SKAP2: variants seen among roughly 807,000 people sequenced by gnomAD.
SKAP2 encodes the protein src kinase-associated phosphoprotein 2.
A neutral mutation model predicts 54.9 loss-of-function variants in SKAP2; 28 were observed. The ratio of observed to expected loss-of-function variants is 0.51; its 90% CI spans 0.38 to 0.70. The LOEUF (loss-of-function observed/expected upper bound fraction) is 0.70, where lower values mean the gene tolerates loss of function less well. Ranked by LOEUF, SKAP2 falls within the 30% of genes least tolerant of loss-of-function variation. SKAP2 has a pLI of 0.00. For missense variants in SKAP2, 356 were observed against 424.1 expected (o/e 0.84, Z 1.41); for synonymous variants, 137 against 134.3 (o/e 1.02, Z -0.14).
intron 9 of SKAP2, among the ~76,000 whole-genome samples, chr7:26,724,864 G>A (rs1163079520): frequency 6.6e-6 from 1 of 152,028 alleles, no homozygotes. Context: ...CTGAGCATTT[G>A]GAATAAGAAA....
intron 4 of SKAP2, among the ~76,000 whole-genome samples, chr7:26,743,088 A>G (rs1376321728): frequency 6.6e-6 from 1 of 152,186 alleles, no homozygotes; most frequent in Non-Finnish European, 1.5e-5. Flanking sequence ...GAGCTGCCAC[A>G]TGTTTGCCAT....
chr7:26,724,158 T>C (rs1787644349), intron 9 of SKAP2, among the ~76,000 whole-genome samples: 1 of 152,178 alleles, frequency 6.6e-6, no homozygotes, highest in Non-Finnish European at 1.5e-5. Flanking sequence ...ATAGTTTTTA[T>C]ACCTTAAATT....
Position 26,725,488 on chromosome 7 carries a change from T to C in SKAP2, c.736A>G (p.Ile246Val). ...LYDDVDHPLP[I>V]SNPLTSSQPI... ...TGACTGCTTGTTAGTGGATTGCTTATTGGTAGAGGATGATCAACATCATCA... is the reference window on the plus strand; with the variant it reads ...TGACTGCTTGTTAGTGGATTGCTTACTGGTAGAGGATGATCAACATCATCA... Residue 246 changes from isoleucine to valine, a missense_variant, in exon 9 of 13, where the codon ATA becomes GTA. Ile to Val is a conservative substitution (Grantham distance 29). Coordinates refer to ENST00000345317, the MANE Select transcript of SKAP2 (RefSeq NM_003930.5). 6.2e-7 allele frequency: 1 copy of C among 1,612,386 alleles called. No individual in the cohort carries two copies. The highest frequency in any genetic ancestry group is 1.3e-5 in the African/African-American group (1 of 74,984).
chr7:26,854,286 A>T lies in SKAP2; in HGVS notation c.174-124T>A, dbSNP rs1785112942. On this transcript the variant is annotated intron_variant, in intron 2 of 12. Transcript: ENST00000345317. ...ACACCTAGATATACATTAGAAAAAA[A>T]CTAATTCCTGTCCTGAAATGACAAT... 7 of 548,438 alleles carry T rather than the reference A, an allele frequency of 1.3e-5. No homozygotes were observed. In the South Asian group the frequency reaches 2.2e-4, roughly 17 times the overall value. The allele number at this position is 548,438 out of a possible 1,614,324, so 34.0% of individuals were successfully genotyped here.
intron 4 of SKAP2, among the ~76,000 whole-genome samples, chr7:26,833,211 G>A (rs902022215): frequency 3.3e-5 from 5 of 151,146 alleles, no homozygotes; most frequent in Non-Finnish European, 7.4e-5. Flanking sequence ...TGGCTAACAC[G>A]GTGAAACCCA....
intron 4 of SKAP2, among the ~76,000 whole-genome samples, chr7:26,827,908 T>C (rs1784523109): frequency 6.6e-6 from 1 of 152,200 alleles, no homozygotes; most frequent in African/African-American, 2.4e-5. Context: ...AAAATTCACA[T>C]GGCCTCTTTG....
At chr7:26,843,701 A>G (rs1262925899) in intron 4 of SKAP2, among the ~76,000 whole-genome samples, 2 of 152,026 alleles carry the variant, frequency 1.3e-5, no homozygotes, top group East Asian at 3.8e-4. Flanking sequence ...TAAATAATAC[A>G]GTAAGCCTTC....
intron 4 of SKAP2, among the ~76,000 whole-genome samples, chr7:26,838,585 G>C (rs1205371054): frequency 6.6e-6 from 1 of 152,108 alleles, no homozygotes; most frequent in Non-Finnish European, 1.5e-5. Context: ...TTTTCAGTTT[G>C]TTTTCCCATT....
chr7:26,774,796 A>AG (rs1237500079), intron 4 of SKAP2, among the ~76,000 whole-genome samples: 1 of 152,198 alleles, frequency 6.6e-6, no homozygotes, highest in African/African-American at 2.4e-5. Context: ...CCAATAATCT[A>AG]GATAGACTTT....
chr7:26,815,680 G>A (rs540888005), intron 4 of SKAP2, among the ~76,000 whole-genome samples: 11 of 152,192 alleles, frequency 7.2e-5, no homozygotes, highest in African/African-American at 2.6e-4. Context: ...GGGAGGTTCA[G>A]TATGATGGAG....
the SKAP2 span, among the ~76,000 whole-genome samples, chr7:26,660,357 C>A: frequency 9.2e-5 from 14 of 151,892 alleles, no homozygotes; most frequent in Non-Finnish European, 2.1e-4. Context: ...TAGCATGAAA[C>A]GGGTCCAATA....
the SKAP2 span, among the ~76,000 whole-genome samples, chr7:26,657,428 G>A: frequency 6.6e-6 from 1 of 152,144 alleles, no homozygotes; most frequent in Non-Finnish European, 1.5e-5. Flanking sequence ...GAGCAGAAAG[G>A]CTTCTCATTA....
At chr7:26,754,545 G>A (rs1392326645) in intron 4 of SKAP2, among the ~76,000 whole-genome samples, 1 of 152,070 alleles carries the variant, frequency 6.6e-6, no homozygotes, top group African/African-American at 2.4e-5. Context: ...AATCGTACAT[G>A]GTCTCTTTTT....
intron 4 of SKAP2, among the ~76,000 whole-genome samples, chr7:26,764,060 T>C (rs1782991533): frequency 6.6e-6 from 1 of 152,152 alleles, no homozygotes; most frequent in Non-Finnish European, 1.5e-5. Flanking sequence ...TAAATGAAGA[T>C]GTCAAATACT....
intron 4 of SKAP2, among the ~76,000 whole-genome samples, chr7:26,741,256 C>A (rs937878634): frequency 6.6e-6 from 1 of 151,852 alleles, no homozygotes; most frequent in Non-Finnish European, 1.5e-5. Flanking sequence ...ATGGCTCATG[C>A]CTACAATCCC....
chr7:26,846,343 T>G lies in SKAP2; in HGVS notation c.200-2206A>C, dbSNP rs186894758. Among the ~76,000 whole-genome samples, 45 of 152,260 alleles carry G rather than the reference T, an allele frequency of 3.0e-4. No homozygotes were observed. In the East Asian group the frequency reaches 5.0e-3, roughly 17 times the overall value. ...TTCAGGCTTAAATTATATTAAATTC[T>G]AGGTGGAAGTAAACAGAAAAAATTA... is the stretch of plus-strand genomic sequence containing the variant. On this transcript the variant is annotated intron_variant, in intron 3 of 12. Coordinates refer to ENST00000345317, the MANE Select transcript of SKAP2 (RefSeq NM_003930.5).
intron 4 of SKAP2, among the ~76,000 whole-genome samples, chr7:26,825,581 A>T (rs948624539): frequency 1.2e-4 from 2 of 16,070 alleles, no homozygotes; most frequent in Non-Finnish European, 1.1e-4. Flanking sequence ...GCAAACAGTT[A>T]AAAAAAAAAA....
At chr7:26,864,055 T>TCTCACACACACA (rs1554310125) in intron 1 of SKAP2, among the ~76,000 whole-genome samples, 2 of 143,332 alleles carry the variant, frequency 1.4e-5, no homozygotes, top group Non-Finnish European at 3.0e-5. Context: ...CGCCCTTCTG[T>TCTCACACACACA]CACACACACA....
At chr7:26,748,118 T>C (rs1782597587) in intron 4 of SKAP2, among the ~76,000 whole-genome samples, 1 of 152,172 alleles carries the variant, frequency 6.6e-6, no homozygotes. Context: ...TCTTATTACA[T>C]ATCTGAAGAC....
Sources: allele counts gnomAD v4.1 joint callset (sites outside exome capture counted in the v4.1 genomes callset), GRCh38; gene constraint gnomAD v4.1.1; transcripts MANE v1.5; gene names NCBI Gene and HGNC (gene_info 2026-07-23, HGNC 2026-07-21).